Variants in DSCAM observed in about 807,000 individuals in gnomAD.
DSCAM encodes the protein cell adhesion molecule DSCAM.
A neutral mutation model predicts 217.7 loss-of-function variants in DSCAM; 47 were observed. That is an observed-to-expected ratio of 0.22 (90% CI 0.17 to 0.28). The LOEUF (loss-of-function observed/expected upper bound fraction) is 0.28, where lower values mean the gene tolerates loss of function less well. Among genes scored for constraint, DSCAM ranks in the 10% least tolerant of loss-of-function variants. The pLI is 1.00. For missense variants in DSCAM, 2,080 were observed against 2,618.3 expected, an observed-to-expected ratio of 0.79 and a Z score of 4.49; for synonymous variants, 1,056 against 1,015.3, an observed-to-expected ratio of 1.04 and a Z score of -0.76.
intron 32 of DSCAM, among the ~76,000 whole-genome samples, chr21:40,041,843 A>AT (rs2088756872): frequency 6.6e-6 from 1 of 152,226 alleles, no homozygotes; most frequent in Admixed American, 6.5e-5. Flanking sequence ...CAGCCCTCAC[A>AT]TTTTTGACAG....
chr21:40,704,554 AT>A (rs112741609), intron 2 of DSCAM, among the ~76,000 whole-genome samples: 105 of 149,054 alleles, frequency 7.0e-4, no homozygotes, highest in Middle Eastern at 3.5e-3. Flanking sequence ...CCTCTACAAA[AT>A]TTTTTTTTTT....
intron 3 of DSCAM, among the ~76,000 whole-genome samples, chr21:40,465,855 CTTGT>C (rs1338889087): frequency 1.3e-5 from 2 of 151,026 alleles, no homozygotes; most frequent in African/African-American, 4.9e-5. Context: ...GTTCTGACAA[CTTGT>C]TTGATTATAA....
At chr21:40,399,370 G>A (rs2075212908) in intron 3 of DSCAM, among the ~76,000 whole-genome samples, 1 of 152,106 alleles carries the variant, frequency 6.6e-6, no homozygotes. Flanking sequence ...TGAGAGTATG[G>A]GTGGAAAAGG....
intron 19 of DSCAM, 21 bp downstream of exon 19, chr21:40,133,833 C>T: frequency 6.3e-7 from 1 of 1,580,336 alleles, no homozygotes; most frequent in Non-Finnish European, 8.6e-7. Flanking sequence ...TGCTGGGACC[C>T]ACCGCCCACC....
chr21:40,013,972 T>C (rs1568887402), intron 32 of DSCAM, among the ~76,000 whole-genome samples: 1 of 152,244 alleles, frequency 6.6e-6, no homozygotes, highest in Non-Finnish European at 1.5e-5. Context: ...GGCTCTTCTG[T>C]TTCAGCCATG....
chr21:40,640,160 T>TGGCAGAGAGGAAAATCAAGAGAAGG, intron 3 of DSCAM, among the ~76,000 whole-genome samples: 1 of 151,078 alleles, frequency 6.6e-6, no homozygotes, highest in Admixed American at 6.6e-5. Context: ...TCAAGAGAAG[T>TGGCAGAGAGGAAAATCAAGAGAAGG]GGCAGAGAGG....
chr21:40,029,908 C>T (rs1018394384), intron 32 of DSCAM, among the ~76,000 whole-genome samples: 8 of 152,202 alleles, frequency 5.3e-5, no homozygotes, highest in African/African-American at 1.9e-4. Flanking sequence ...TTCTGCACAT[C>T]ACTAAAACTC....
Position 40,144,536 on chromosome 21 carries a change from T to C in DSCAM, c.3214A>G (p.Thr1072Ala). The C allele has an allele frequency of 6.2e-7, 1 of 1,614,232 alleles. No individual in the cohort carries two copies. The highest frequency in any genetic ancestry group is 1.3e-5 in the African/African-American group (1 of 75,062). The change falls in exon 17 of 33, where the codon ACG (threonine) becomes GCG (alanine). Residue 1072 changes from threonine to alanine, a missense_variant. Physicochemically the swap from Thr to Ala is moderately conservative, Grantham distance 58. Around this residue, in one of 5 missense-constraint regions of DSCAM, gnomAD observed 1,144 missense variants for 1,421.1 expected, o/e 0.81. Transcript: ENST00000400454. The surrounding 1 kb of genome is among the most constrained non-coding windows in gnomAD (Gnocchi z 4.8). The part of the protein sequence containing the change: ...LVVQACNRAG[T>A]GPSSQEIITT... ...ATGATTTCCTGAGAAGAAGGCCCCG[T>C]GCCGGCCCGGTTACAGGCCTGCACC...
At chr21:40,610,702 G>A (rs13046236) in intron 3 of DSCAM, among the ~76,000 whole-genome samples, 34,820 of 152,072 alleles carry the variant, frequency 0.23, 4,111 homozygotes, top group East Asian at 0.4. Context: ...GCATCAGGGT[G>A]GCCGTCACCT....
At chr21:40,217,304 C>T (rs1032609143) in intron 11 of DSCAM, among the ~76,000 whole-genome samples, 9 of 152,118 alleles carry the variant, frequency 5.9e-5, no homozygotes, top group African/African-American at 2.2e-4. Context: ...CTGAGAGAAG[C>T]AACCATTTTA....
chr21:40,071,272 G>A (rs960318654), intron 27 of DSCAM, among the ~76,000 whole-genome samples: 1 of 152,046 alleles, frequency 6.6e-6, no homozygotes, highest in Non-Finnish European at 1.5e-5. Context: ...CCTGGATAAG[G>A]TTATAGATTT....
chr21:40,506,239 T>A (rs1005864949), intron 3 of DSCAM, among the ~76,000 whole-genome samples: 3 of 152,204 alleles, frequency 2.0e-5, no homozygotes, highest in Non-Finnish European at 4.4e-5. Context: ...GGGACAGTAA[T>A]GACACTCATC....
intron 11 of DSCAM, among the ~76,000 whole-genome samples, chr21:40,217,772 G>A (rs114182741): frequency 0.013 from 1,996 of 152,158 alleles, 42 homozygotes; most frequent in African/African-American, 0.044. Context: ...CAGTGATATC[G>A]AGATTTTTTT....
intron 3 of DSCAM, among the ~76,000 whole-genome samples, chr21:40,522,211 G>A (rs1278929836): frequency 6.6e-6 from 1 of 152,202 alleles, no homozygotes; most frequent in East Asian, 1.9e-4. Flanking sequence ...TAAGCAGTTA[G>A]TAGACAGAAA....
intron 1 of DSCAM, among the ~76,000 whole-genome samples, chr21:40,739,030 G>A (rs957776366): frequency 6.6e-6 from 1 of 152,198 alleles, no homozygotes; most frequent in Non-Finnish European, 1.5e-5. Context: ...GTCCAGTGAT[G>A]CTTTTACAGA....
intron 3 of DSCAM, among the ~76,000 whole-genome samples, chr21:40,650,478 G>A (rs1480677152): frequency 6.6e-6 from 1 of 152,228 alleles, no homozygotes; most frequent in Admixed American, 6.5e-5. Context: ...ATTTGAATCA[G>A]TGAACTGAGT....
At chr21:40,529,491 A>C (rs1434217568) in intron 3 of DSCAM, among the ~76,000 whole-genome samples, 2 of 151,946 alleles carry the variant, frequency 1.3e-5, no homozygotes, top group African/African-American at 4.8e-5. Flanking sequence ...AAGCACATGG[A>C]CCTCCTTCAT....
In DSCAM at chr21:40,489,774, CAAAAAAAAA is replaced by C. The variant is rs35247505; in HGVS notation, c.509-120538_509-120530del. ...TGGGCGACAGGGCGAGACTCCGTCT[CAAAAAAAAA>C]AAAAAAAAAAAAAAAAAATAAGTAC... On this transcript the variant is annotated intron_variant, in intron 3 of 32. Coordinates refer to ENST00000400454, the MANE Select transcript of DSCAM (RefSeq NM_001389.5). Among the ~76,000 whole-genome samples, 11 of 47,188 alleles carry C rather than the reference CAAAAAAAAA, an allele frequency of 2.3e-4. No individual in the cohort carries two copies. The East Asian group carries it at 5.4e-3, about 23-fold the overall frequency. 31.0% of individuals were successfully genotyped at this position (47,188 alleles called of 152,430 possible). A position where few individuals can be genotyped will look rare whatever the true frequency, so the allele number is the denominator to read the frequency against.
At chr21:40,023,461 T>C (rs2146427683) in intron 32 of DSCAM, among the ~76,000 whole-genome samples, 2 of 150,460 alleles carry the variant, frequency 1.3e-5, no homozygotes, top group Middle Eastern at 6.9e-3. Context: ...TCCACAATGG[T>C]TGAACTAGTT....
Sources: allele counts gnomAD v4.1 joint callset (sites outside exome capture counted in the v4.1 genomes callset), GRCh38; gene constraint gnomAD v4.1.1; regional missense constraint gnomAD v4.1.1; non-coding constraint Gnocchi (gnomAD v3.1); transcripts MANE v1.5; gene names NCBI Gene and HGNC (gene_info 2026-07-23, HGNC 2026-07-21).